Variants in IVNS1ABP observed in about 807,000 individuals in gnomAD.
IVNS1ABP encodes influenza virus NS1A-binding protein.
A neutral mutation model predicts 78.9 loss-of-function variants in IVNS1ABP; 25 were observed. The observed-to-expected ratio is 0.32, with a 90% CI of 0.23 to 0.44. The LOEUF is 0.44. IVNS1ABP is among the 20% of genes least tolerant of loss of function. The probability of loss-of-function intolerance (pLI) is 1.00; values close to 1 mark genes in which losing one functional copy is unlikely to be tolerated. For missense variants in IVNS1ABP, 494 were observed against 768.9 expected (o/e 0.64, Z 4.23); for synonymous variants, 241 against 259.7 (o/e 0.93, Z 0.69).
chr1:185,301,366 T>G (rs929381702), intron 9 of IVNS1ABP, 68 bp downstream of exon 9: 1 of 1,570,404 alleles, frequency 6.4e-7, no homozygotes, highest in African/African-American at 1.4e-5. Flanking sequence ...TAAGAGGTAT[T>G]AAATTGGCAA....
chr1:185,307,969 A>G (rs1425303510), intron 5 of IVNS1ABP: 1 of 1,549,690 alleles, frequency 6.5e-7, no homozygotes, highest in African/African-American at 1.4e-5. Context: ...ACTGGGCTCT[A>G]CAGGAGAGAT....
rs143068443 is a variant in IVNS1ABP, at chr1:185,300,431, G to A, written c.1242+6C>T. On this transcript the variant is annotated splice_donor_region_variant and intron_variant, in intron 11 of 14. Transcript: ENST00000367498. ...AGGGGTTGCTCCTGCAACATAATGC[G>A]CTTACCATGAGTACAGCCATTTGAA... 63 of 1,613,498 alleles carry A rather than the reference G, an allele frequency of 3.9e-5. No individual in the cohort carries two copies. Among genetic ancestry groups the A allele is most frequent in the Middle Eastern group, 3.3e-4 (2 of 6,052 alleles).
chr1:185,305,428 A>G lies in IVNS1ABP; in HGVS notation c.765+108T>C, dbSNP rs1665715101. 1.7e-6 allele frequency: 2 copies of G among 1,170,766 alleles called. No individual in the cohort carries two copies. The highest frequency in any genetic ancestry group is 3.0e-5 in the African/African-American group (2 of 65,602). The allele number at this position is 1,170,766 out of a possible 1,614,324, so 72.5% of individuals were successfully genotyped here. On this transcript the variant is annotated intron_variant, in intron 8 of 14. Coordinates refer to ENST00000367498, the MANE Select transcript of IVNS1ABP (RefSeq NM_006469.5). This position sits in a 1 kb window ranked among gnomAD's most constrained non-coding sequence, Gnocchi z 4.0. The stretch of plus-strand genomic sequence containing the variant: ...CCCAAAAATGTTTCTGTCCAGTTAT[A>G]CCAATGAAATTGGTCCACTTTCCTT...
At chr1:185,310,330 G>A (rs186579463) in intron 2 of IVNS1ABP, among the ~76,000 whole-genome samples, 1 of 152,268 alleles carries the variant, frequency 6.6e-6, no homozygotes, top group East Asian at 1.9e-4. Context: ...GTGATAGGCT[G>A]GGCGCTATGG....
chr1:185,312,084 T>C (rs960039076), intron 1 of IVNS1ABP, among the ~76,000 whole-genome samples: 3 of 152,200 alleles, frequency 2.0e-5, no homozygotes, highest in Admixed American at 6.5e-5. Context: ...GCCTAAAAAC[T>C]TGAACATAAA....
intron 1 of IVNS1ABP, among the ~76,000 whole-genome samples, chr1:185,316,076 T>C (rs1666009530): frequency 1.3e-5 from 2 of 152,184 alleles, no homozygotes; most frequent in Admixed American, 6.5e-5. Flanking sequence ...CCTGATACCT[T>C]CCTATCATCA....
At chr1:185,315,116 A>T (rs1665981104) in intron 1 of IVNS1ABP, among the ~76,000 whole-genome samples, 1 of 152,236 alleles carries the variant, frequency 6.6e-6, no homozygotes, top group South Asian at 2.1e-4. Context: ...CCCAACCTTT[A>T]ATAATTCCTA....
chr1:185,308,868 C>A lies in IVNS1ABP; in HGVS notation c.289G>T (p.Ala97Ser). 6.2e-7 allele frequency: 1 copy of A among 1,605,976 alleles called. No individual in the cohort carries two copies. The change falls in exon 5 of 15, where the codon GCA becomes TCA. Residue 97 changes from alanine to serine, a missense_variant. Coordinates refer to ENST00000367498, the MANE Select transcript of IVNS1ABP (RefSeq NM_006469.5). Reference protein sequence around the residue: ...LNYAYTAQLKADKELVKDVYS... With the variant: ...LNYAYTAQLKSDKELVKDVYS... ...ACATCTTTTACCAATTCCTTATCTG[C>A]TTTCAACCTATTTAAAAAAAAAGTT...
chr1:185,311,701 C>T (rs3895195), intron 1 of IVNS1ABP, among the ~76,000 whole-genome samples: 6,169 of 152,154 alleles, frequency 0.041, 321 homozygotes, highest in African/African-American at 0.1. Flanking sequence ...CAGCAAGCAA[C>T]CTTAGGCATT....
intron 2 of IVNS1ABP, among the ~76,000 whole-genome samples, chr1:185,310,052 A>C (rs1258980590): frequency 6.6e-6 from 1 of 152,124 alleles, no homozygotes; most frequent in African/African-American, 2.4e-5. Flanking sequence ...AAATTGCCTA[A>C]TGTCTTCCTC....
intron 7 of IVNS1ABP, chr1:185,306,536 G>T (rs1297489367): frequency 7.8e-7 from 1 of 1,288,808 alleles, no homozygotes; most frequent in Non-Finnish European, 1.0e-6. Context: ...TAGGAGAACT[G>T]GGGCAGGACT....
At chr1:185,306,700 C>A in intron 7 of IVNS1ABP, 1 of 1,088,096 alleles carries the variant, frequency 9.2e-7, no homozygotes, top group Non-Finnish European at 1.2e-6. Context: ...AAAGCAAAAA[C>A]CTGTGAAGAA....
chr1:185,296,557 G>C lies in IVNS1ABP; in HGVS notation c.*1478C>G, dbSNP rs1665423484. 1 of 152,124 alleles carries C rather than the reference G, an allele frequency of 6.6e-6. No individual in the cohort carries two copies. The highest frequency in any genetic ancestry group is 1.5e-5 in the Non-Finnish European group (1 of 68,002). The allele number at this position is 152,124 out of a possible 1,614,324, so 9.4% of individuals were successfully genotyped here. A position where few individuals can be genotyped will look rare whatever the true frequency, so the allele number is the denominator to read the frequency against. On this transcript the variant is annotated 3_prime_UTR_variant, in exon 15 of 15. Coordinates refer to ENST00000367498, the MANE Select transcript of IVNS1ABP (RefSeq NM_006469.5). ...GAATTACAGAGTTACCAACCAAACT[G>C]ATTTGCTTTCCTGGTGGTTCTTTGT... is the stretch of plus-strand genomic sequence containing the variant.
intron 2 of IVNS1ABP, among the ~76,000 whole-genome samples, chr1:185,310,476 C>T (rs1265205976): frequency 1.3e-5 from 2 of 152,120 alleles, no homozygotes; most frequent in East Asian, 1.9e-4. Flanking sequence ...GGCATGGTGG[C>T]GGGCGCCTGT....
rs1331273988 is a variant in IVNS1ABP at position 185,301,126 on chromosome 1, G to C, written c.966C>G (p.Ser322Arg). The change falls in exon 10 of 15, where the codon AGC becomes AGG. Residue 322 changes from serine to arginine, a missense_variant. Physicochemically the swap from Ser to Arg is moderately radical, Grantham distance 110. Transcript: ENST00000367498. ...GAGTACTTGTTGGTGAGCTCTGTGGGCTGTTTCTCCCATGAAGAAAAATGA... is the reference window on the plus strand; with the variant it reads ...GAGTACTTGTTGGTGAGCTCTGTGGCCTGTTTCTCCCATGAAGAAAAATGA... ...FCVIFLHGRN[S>R]PQSSPTSTPK... 1 of 1,613,284 alleles carries C rather than the reference G, an allele frequency of 6.2e-7. No individual in the cohort carries two copies. Among genetic ancestry groups the C allele is most frequent in the Non-Finnish European group, 8.5e-7 (1 of 1,179,668 alleles).
Position 185,305,727 on chromosome 1 carries a change from G to A in IVNS1ABP, c.658-84C>T. 1 of 1,474,044 alleles carries A rather than the reference G, an allele frequency of 6.8e-7. No homozygotes were observed. The highest frequency in any genetic ancestry group is 9.3e-7 in the Non-Finnish European group (1 of 1,078,406). The allele number at this position is 1,474,044 out of a possible 1,614,324, so 91.3% of individuals were successfully genotyped here. On this transcript the variant is annotated intron_variant, in intron 7 of 14. Coordinates refer to ENST00000367498, the MANE Select transcript of IVNS1ABP (RefSeq NM_006469.5). The surrounding 1 kb of genome is among the most constrained non-coding windows in gnomAD (Gnocchi z 4.0). ...ATGCAGATTACACAAACGCCTCAAG[G>A]TAACCTCCAGTGTGCTTCTTGAGCT... is the stretch of plus-strand genomic sequence containing the variant.
Position 185,317,016 on chromosome 1 carries a change from G to A in IVNS1ABP, c.-310C>T, listed in dbSNP as rs971261245. 5.0e-5 allele frequency: 20 copies of A among 398,818 alleles called. No individual in the cohort carries two copies. The highest frequency in any genetic ancestry group is 3.9e-4 in the African/African-American group (19 of 48,620). 24.7% of individuals were successfully genotyped at this position (398,818 alleles called of 1,614,324 possible). On this transcript the variant is annotated 5_prime_UTR_variant, in exon 1 of 15. Transcript: ENST00000367498. ...GAGCTTCGATGGGAAGCAGGAGGAAGCGGGCGGGAATCGGCCCAACGGAAA... is the reference window on the plus strand; with the variant it reads ...GAGCTTCGATGGGAAGCAGGAGGAAACGGGCGGGAATCGGCCCAACGGAAA...
At chr1:185,299,940 C>G (rs1391661616) in intron 13 of IVNS1ABP, 57 bp from the exon 14 acceptor site, 1 of 1,608,226 alleles carries the variant, frequency 6.2e-7, no homozygotes, top group African/African-American at 1.3e-5. Context: ...TAAGTGTATA[C>G]TACACATACT....
At chr1:185,309,743 T>G (rs958349211) in intron 2 of IVNS1ABP, among the ~76,000 whole-genome samples, 5 of 152,152 alleles carry the variant, frequency 3.3e-5, no homozygotes, top group Non-Finnish European at 7.3e-5. Flanking sequence ...GTAGCAGCTA[T>G]CTCGACAATT....
Sources: gnomAD v4.1 joint callset for allele counts (sites outside exome capture counted in the v4.1 genomes callset) on GRCh38, gnomAD v4.1.1 for gene constraint, Gnocchi (gnomAD v3.1) non-coding constraint, MANE v1.5 for transcripts, NCBI Gene and HGNC (gene_info 2026-07-23, HGNC 2026-07-21) for gene names.